NEO1: variants seen among roughly 807,000 people sequenced by gnomAD.
NEO1 encodes the protein neogenin 1.
A neutral mutation model predicts 159.7 loss-of-function variants in NEO1; 63 were observed. The ratio of observed to expected loss-of-function variants is 0.39; its 90% CI spans 0.32 to 0.49. The LOEUF (loss-of-function observed/expected upper bound fraction) is 0.49, where lower values mean the gene tolerates loss of function less well. NEO1 is among the 20% of genes least tolerant of loss of function. The pLI is 0.85. For missense variants in NEO1, 1,615 were observed against 1,831.0 expected (o/e 0.88, Z 2.15); for synonymous variants, 633 against 662.0 (o/e 0.96, Z 0.67).
chr15:73,287,012 A>T (rs1202144220), intron 23 of NEO1, among the ~76,000 whole-genome samples: 1 of 152,206 alleles, frequency 6.6e-6, no homozygotes, highest in African/African-American at 2.4e-5. Flanking sequence ...TCTCTTGCTT[A>T]AAACCATTTA....
In NEO1 at chr15:73,280,508, C is replaced by G. The variant is rs114955004; in HGVS notation, c.3262+2309C>G. Among the ~76,000 whole-genome samples, 255 of 152,254 alleles carry G rather than the reference C, an allele frequency of 1.7e-3. 1 individual carries two copies. The highest frequency in any genetic ancestry group is 6.0e-3 in the African/African-American group (249 of 41,548). Reference sequence around the variant, plus strand: ...CCACCTCTGCCTGCCTCCCATACTTCAGCTCCCCAGCCTCTAATTTGCAAT... The same window carrying G: ...CCACCTCTGCCTGCCTCCCATACTTGAGCTCCCCAGCCTCTAATTTGCAAT... On this transcript the variant is annotated intron_variant, in intron 22 of 28. Coordinates refer to ENST00000261908, the MANE Select transcript of NEO1 (RefSeq NM_002499.4).
chr15:73,203,488 A>C (rs1204341901), intron 7 of NEO1, among the ~76,000 whole-genome samples: 1 of 152,152 alleles, frequency 6.6e-6, no homozygotes, highest in Non-Finnish European at 1.5e-5. Context: ...AACCAGATTA[A>C]TATCTACCAT....
chr15:73,160,828 T>C (rs1313935673), intron 5 of NEO1, among the ~76,000 whole-genome samples: 1 of 152,016 alleles, frequency 6.6e-6, no homozygotes, highest in Non-Finnish European at 1.5e-5. Context: ...TCTATGGAGG[T>C]TTCATTGTGT....
chr15:73,224,393 C>T (rs1256279041), intron 7 of NEO1, among the ~76,000 whole-genome samples: 1 of 152,204 alleles, frequency 6.6e-6, no homozygotes, highest in East Asian at 1.9e-4. Context: ...CGAACATTTT[C>T]CAAATATGTT....
Position 73,303,351 on chromosome 15 carries a change from A to T in NEO1, c.*655A>T, listed in dbSNP as rs944079175. 1.3e-5 allele frequency: 2 copies of T among 151,942 alleles called. No homozygotes were observed. Among genetic ancestry groups the T allele is most frequent in the African/African-American group, 4.9e-5 (2 of 41,216 alleles). The allele number at this position is 151,942 out of a possible 1,614,324, so 9.4% of individuals were successfully genotyped here. ...TTGCTGTTTGTAAGCTTTTTTTATTATTTTTTTATTATAATTATTAAAGGC... is the reference window on the plus strand; with the variant it reads ...TTGCTGTTTGTAAGCTTTTTTTATTTTTTTTTTATTATAATTATTAAAGGC... On this transcript the variant is annotated 3_prime_UTR_variant, in exon 29 of 29. Coordinates refer to ENST00000261908, the MANE Select transcript of NEO1 (RefSeq NM_002499.4).
In NEO1 at chr15:73,085,952, C is replaced by T. The variant is rs1254841703; in HGVS notation, c.131-30588C>T. ...CAAAAGTTTGAAATTTAGTGAGGTT[C>T]GACTTGCCAGTTTTTTTCTTTTATG... On this transcript the variant is annotated intron_variant, in intron 1 of 28. Transcript: ENST00000261908. 6.6e-5 allele frequency among the ~76,000 whole-genome samples: 10 copies of T among 152,052 alleles called. No homozygotes were observed. In the East Asian group the frequency reaches 9.6e-4, roughly 15 times the overall value.
chr15:73,057,260 G>A (rs1383899973), intron 1 of NEO1, among the ~76,000 whole-genome samples: 1 of 151,372 alleles, frequency 6.6e-6, no homozygotes, highest in South Asian at 2.1e-4. Flanking sequence ...TTTTTCTTTT[G>A]GCTTAATTGA....
intron 1 of NEO1, among the ~76,000 whole-genome samples, chr15:73,103,409 C>T (rs753342780): frequency 6.6e-5 from 10 of 152,174 alleles, no homozygotes; most frequent in Non-Finnish European, 1.3e-4. Flanking sequence ...TGTTTCCAGG[C>T]CTTTGTACCT....
At chr15:73,102,502 A>G (rs192822368) in intron 1 of NEO1, among the ~76,000 whole-genome samples, 6 of 152,322 alleles carry the variant, frequency 3.9e-5, no homozygotes, top group Admixed American at 3.3e-4. Flanking sequence ...TTATAGGACT[A>G]CATTAGAGCT....
In NEO1 at chr15:73,101,419, A is replaced by G. The variant is rs139061464; in HGVS notation, c.131-15121A>G. Among the ~76,000 whole-genome samples, 1,057 of 152,168 alleles carry G rather than the reference A, an allele frequency of 6.9e-3. 13 individuals are homozygous for G. Among genetic ancestry groups the G allele is most frequent in the African/African-American group, 0.024 (1,014 of 41,564 alleles). On this transcript the variant is annotated intron_variant, in intron 1 of 28. Coordinates refer to ENST00000261908, the MANE Select transcript of NEO1 (RefSeq NM_002499.4). ...CACGCTCTCACGCGCACGCGTGCGCACACACGCTCTCTTTCCCACTCTCTC... is the reference window on the plus strand; with the variant it reads ...CACGCTCTCACGCGCACGCGTGCGCGCACACGCTCTCTTTCCCACTCTCTC...
chr15:73,165,093 ATTTTTT>A lies in NEO1; in HGVS notation c.1016-11295_1016-11290del, dbSNP rs67749428. Among the ~76,000 whole-genome samples, 8 of 129,100 alleles carry A rather than the reference ATTTTTT, an allele frequency of 6.2e-5. No individual in the cohort carries two copies. The East Asian group carries it at 6.8e-4, about 11-fold the overall frequency. The allele number at this position is 129,100 out of a possible 152,430, so 84.7% of individuals were successfully genotyped here. ...TAGGCATGTTCCACATGCCTGGCCA[ATTTTTT>A]TTTTTTTTTTTTTTGTAGAGATAGG... On this transcript the variant is annotated intron_variant, in intron 5 of 28. Transcript: ENST00000261908.
In NEO1 at chr15:73,107,094, C is replaced by A. The variant is rs371976556; in HGVS notation, c.131-9446C>A. 2.6e-5 allele frequency among the ~76,000 whole-genome samples: 4 copies of A among 152,232 alleles called. No homozygotes were observed. In the East Asian group the frequency reaches 5.8e-4, roughly 22 times the overall value. On this transcript the variant is annotated intron_variant, in intron 1 of 28. Transcript: ENST00000261908. The stretch of plus-strand genomic sequence containing the variant: ...TTCAAGCATTCTCGCCCCTTGTTAC[C>A]ATAATTTATTGAAATGAATGGGAAA...
Position 73,178,363 on chromosome 15 carries a change from GT to G in NEO1, c.1228del (p.Cys410AlafsTer16). The part of the protein sequence containing the change: ...LVKSDEGFYQ[C>X]IAENDVGNAQ... ...TGAAATCAGATGAAGGGTTCTATCA[GT>G]GCATTGCTGAAAATGATGTTGGAAA... On this transcript the variant is annotated frameshift_variant, in exon 7 of 29. Transcript: ENST00000261908. LOFTEE classifies it high-confidence loss of function. The G allele has an allele frequency of 6.2e-7, 1 of 1,613,824 alleles. No homozygotes were observed. The highest frequency in any genetic ancestry group is 8.5e-7 in the Non-Finnish European group (1 of 1,179,842).
intron 6 of NEO1, among the ~76,000 whole-genome samples, chr15:73,177,840 C>G (rs1404199568): frequency 6.6e-6 from 1 of 152,072 alleles, no homozygotes; most frequent in Non-Finnish European, 1.5e-5. Context: ...TGCTCCTGGC[C>G]CAGTAGTAAT....
intron 1 of NEO1, among the ~76,000 whole-genome samples, 198 bp from the exon 2 acceptor site, chr15:73,116,342 C>T (rs2071313231): frequency 6.6e-6 from 1 of 151,826 alleles, no homozygotes; most frequent in African/African-American, 2.4e-5. Flanking sequence ...CCCTAATGTT[C>T]TTCTAAATGG....
chr15:73,266,374 C>T lies in NEO1; in HGVS notation c.2457C>T (p.Ile819=), dbSNP rs754123759. The T allele has an allele frequency of 1.2e-6, 2 of 1,613,488 alleles. No individual in the cohort carries two copies. Among genetic ancestry groups the T allele is most frequent in the East Asian group, 2.2e-5 (1 of 44,892 alleles). ...CATTTAATAACGTGGGTGAAGGCAT[C>T]CCCCTGTATGAGAGTGCTGTGACCA... ...LKAFNNVGEG[I]PLYESAVTRP... is the part of the protein sequence containing the mutation. The change falls in exon 16 of 29, where the codon ATC becomes ATT. Residue 819 remains isoleucine (I), a synonymous_variant. Coordinates refer to ENST00000261908, the MANE Select transcript of NEO1 (RefSeq NM_002499.4).
chr15:73,259,484 C>T (rs891141401), intron 14 of NEO1, among the ~76,000 whole-genome samples: 2 of 151,514 alleles, frequency 1.3e-5, no homozygotes, highest in Non-Finnish European at 2.9e-5. Context: ...ACCTCAGCCT[C>T]CTGAGCAGCT....
At chr15:73,122,978 G>A (rs1404990936) in intron 3 of NEO1, among the ~76,000 whole-genome samples, 178 bp downstream of exon 3, 4 of 152,038 alleles carry the variant, frequency 2.6e-5, no homozygotes, top group African/African-American at 7.2e-5. Flanking sequence ...CCAACATGGC[G>A]AAACCCCATC....
intron 7 of NEO1, among the ~76,000 whole-genome samples, chr15:73,198,280 C>T (rs1473073655): frequency 6.6e-6 from 1 of 152,108 alleles, no homozygotes; most frequent in African/African-American, 2.4e-5. Flanking sequence ...TGTACATTGT[C>T]CTAAACTATA....
Sources: gnomAD v4.1 joint callset for allele counts (sites outside exome capture counted in the v4.1 genomes callset) on GRCh38, gnomAD v4.1.1 for gene constraint, MANE v1.5 for transcripts, NCBI Gene and HGNC (gene_info 2026-07-23, HGNC 2026-07-21) for gene names.